LDLRAD4: variants seen among roughly 807,000 people sequenced by gnomAD.
The protein encoded by LDLRAD4 is low density lipoprotein receptor class A domain containing 4.
Under a neutral mutation model 17.0 loss-of-function variants are expected in LDLRAD4, and 5 were observed. The ratio of observed to expected loss-of-function variants is 0.29; its 90% CI spans 0.15 to 0.62. The LOEUF (loss-of-function observed/expected upper bound fraction) is 0.62. Among genes scored for constraint, LDLRAD4 ranks in the 20% least tolerant of loss-of-function variants. The pLI is 0.84. For missense variants in LDLRAD4, 340 were observed against 424.7 expected, an observed-to-expected ratio of 0.80 and a Z score of 1.75; for synonymous variants, 168 against 171.8, an observed-to-expected ratio of 0.98 and a Z score of 0.17.
At chr18:13,378,853 A>G (rs1206451004) in intron 1 of LDLRAD4, among the ~76,000 whole-genome samples, 1 of 152,258 alleles carries the variant, frequency 6.6e-6, no homozygotes, top group African/African-American at 2.4e-5. Flanking sequence ...ATCAAGACAA[A>G]TTAGCAGAGG....
intron 3 of LDLRAD4, among the ~76,000 whole-genome samples, chr18:13,528,500 ATGGGGTTT>A (rs1322937242): frequency 6.6e-6 from 1 of 151,930 alleles, no homozygotes; most frequent in Admixed American, 6.6e-5. Context: ...TGTAATAGAG[ATGGGGTTT>A]TGCCATGTTA....
chr18:13,424,047 A>G (rs11080650), intron 2 of LDLRAD4, among the ~76,000 whole-genome samples: 54,369 of 151,800 alleles, frequency 0.36, 11,738 homozygotes, highest in South Asian at 0.48. Context: ...AGACAGGAGA[A>G]TCACTTGAAC....
rs1186530553 is a variant in LDLRAD4 at position 13,494,663 on chromosome 18, C to CTCCATCTCCACTAAAATAT, written c.181+56279_181+56280insTCCATCTCCACTAAAATAT. Among the ~76,000 whole-genome samples, 18 of 43,816 alleles carry CTCCATCTCCACTAAAATAT rather than the reference C, an allele frequency of 4.1e-4. 1 individual carries two copies. Among genetic ancestry groups the CTCCATCTCCACTAAAATAT allele is most frequent in the African/African-American group, 1.1e-3 (16 of 14,346 alleles). The allele number at this position is 43,816 out of a possible 152,430, so 28.7% of individuals were successfully genotyped here. A position where few individuals can be genotyped will look rare whatever the true frequency, so the allele number is the denominator to read the frequency against. ...CACTGCACTCCAGCCTGGAGACAGA[C>CTCCATCTCCACTAAAATAT]ATATTTAATAATATAATATATTATT... On this transcript the variant is annotated intron_variant, in intron 3 of 5. Coordinates refer to ENST00000359446, the Ensembl canonical transcript of LDLRAD4.
chr18:13,389,637 T>A (rs1237125434), intron 2 of LDLRAD4, among the ~76,000 whole-genome samples: 2 of 151,692 alleles, frequency 1.3e-5, no homozygotes, highest in Non-Finnish European at 2.9e-5. Context: ...GACGGCAGGG[T>A]GGAGGCCACA....
chr18:13,336,129 G>A (rs1043315620), intron 1 of LDLRAD4, among the ~76,000 whole-genome samples: 5 of 152,096 alleles, frequency 3.3e-5, no homozygotes, highest in Non-Finnish European at 5.9e-5. Context: ...TTTAACAGCC[G>A]GCTCCCAGGC....
chr18:13,347,673 A>G (rs918250232), intron 1 of LDLRAD4, among the ~76,000 whole-genome samples: 1 of 152,182 alleles, frequency 6.6e-6, no homozygotes, highest in African/African-American at 2.4e-5. Flanking sequence ...GTGTTTTCCA[A>G]TTTGGTTCCA....
chr18:13,403,160 C>T (rs540116344), intron 2 of LDLRAD4, among the ~76,000 whole-genome samples: 3 of 152,280 alleles, frequency 2.0e-5, no homozygotes, highest in East Asian at 1.9e-4. Flanking sequence ...ACTTAATAGA[C>T]GGATGCATGC....
At chr18:13,403,161 G>A (rs2087383876) in intron 2 of LDLRAD4, among the ~76,000 whole-genome samples, 1 of 152,160 alleles carries the variant, frequency 6.6e-6, no homozygotes, top group Non-Finnish European at 1.5e-5. Context: ...CTTAATAGAC[G>A]GATGCATGCC....
At chr18:13,416,298 C>T (rs1345630500) in intron 2 of LDLRAD4, among the ~76,000 whole-genome samples, 1 of 152,202 alleles carries the variant, frequency 6.6e-6, no homozygotes, top group Non-Finnish European at 1.5e-5. Flanking sequence ...CAGACCTCTT[C>T]CAGTTCTTGC....
At chr18:13,337,443 C>T (rs915329448) in intron 1 of LDLRAD4, among the ~76,000 whole-genome samples, 2 of 152,072 alleles carry the variant, frequency 1.3e-5, no homozygotes, top group African/African-American at 4.8e-5. Context: ...AAAAATTCCA[C>T]GAAACTTTTT....
At position 13,535,763 on chromosome 18, in the gene LDLRAD4, T is replaced by C. The variant is rs2147879351; in HGVS notation, c.182-85354T>C. ...GTCACAAAGATTTTCTCCCATGTTT[T>C]CTTCTATAAGTTTAACAGTTTCAGC... is the stretch of plus-strand genomic sequence containing the variant. On this transcript the variant is annotated intron_variant, in intron 3 of 5. Coordinates refer to ENST00000359446, the Ensembl canonical transcript of LDLRAD4. Among the ~76,000 whole-genome samples, 3 of 152,344 alleles carry C rather than the reference T, an allele frequency of 2.0e-5. 1 individual carries two copies. In the Middle Eastern group the frequency reaches 0.01, roughly 518 times the overall value.
chr18:13,442,993 C>A (rs1250850512), intron 3 of LDLRAD4, among the ~76,000 whole-genome samples: 2 of 152,124 alleles, frequency 1.3e-5, no homozygotes, highest in African/African-American at 4.8e-5. Flanking sequence ...GCTCCCCCTG[C>A]TACTGGAGGG....
At chr18:13,599,260 G>A (rs1390649662) in intron 3 of LDLRAD4, among the ~76,000 whole-genome samples, 2 of 152,136 alleles carry the variant, frequency 1.3e-5, no homozygotes, top group African/African-American at 2.4e-5. Context: ...GAGGGAAGGA[G>A]TGGGTTGTGG....
rs189344089 is a variant in LDLRAD4 at position 13,323,269 on chromosome 18, G to A, written c.-383+45081G>A. Among the ~76,000 whole-genome samples, 915 of 152,374 alleles carry A rather than the reference G, an allele frequency of 6.0e-3. 6 individuals carry two copies. Among genetic ancestry groups the A allele is most frequent in the Non-Finnish European group, 8.9e-3 (604 of 68,040 alleles). ...TTGTGCCTTGGCCTCCCAAGTAGCTGGAGCTATGGGCGCCGCCACTGCGCC... is the reference window on the plus strand; with the variant it reads ...TTGTGCCTTGGCCTCCCAAGTAGCTAGAGCTATGGGCGCCGCCACTGCGCC... On this transcript the variant is annotated intron_variant, in intron 1 of 5. Transcript: ENST00000359446.
At chr18:13,262,939 C>T (rs1280179038) in intron 1 of LDLRAD4, among the ~76,000 whole-genome samples, 105 of 58,100 alleles carry the variant, frequency 1.8e-3, no homozygotes, top group Non-Finnish European at 3.0e-3. Flanking sequence ...CCCGTGCGGC[C>T]CTGTGCGTGG....
At chr18:13,608,029 C>A (rs902089367) in intron 3 of LDLRAD4, among the ~76,000 whole-genome samples, 3 of 152,070 alleles carry the variant, frequency 2.0e-5, no homozygotes, top group African/African-American at 7.2e-5. Context: ...ACACTGTCTT[C>A]CACAGTGGTT....
chr18:13,613,852 G>A (rs2039835851), intron 3 of LDLRAD4: 2 of 152,254 alleles, frequency 1.3e-5, no homozygotes, highest in African/African-American at 4.8e-5. Context: ...TGCCCTCCAC[G>A]TTCATCTCTC....
At chr18:13,502,556 G>A (rs185546385) in intron 3 of LDLRAD4, among the ~76,000 whole-genome samples, 3 of 152,312 alleles carry the variant, frequency 2.0e-5, no homozygotes, top group East Asian at 1.9e-4. Context: ...TTAATTATTT[G>A]TCGACTCTTT....
chr18:13,333,060 A>G (rs1255217304), intron 1 of LDLRAD4, among the ~76,000 whole-genome samples: 1 of 152,182 alleles, frequency 6.6e-6, no homozygotes, highest in Non-Finnish European at 1.5e-5. Context: ...CTGTTGCCCT[A>G]CATCCTTGCC....
Sources: gnomAD v4.1 joint callset for allele counts (sites outside exome capture counted in the v4.1 genomes callset) on GRCh38, gnomAD v4.1.1 for gene constraint, MANE v1.5 for transcripts, NCBI Gene and HGNC (gene_info 2026-07-23, HGNC 2026-07-21) for gene names.